Variants in PCBP3 observed in about 807,000 individuals in gnomAD.
The protein encoded by PCBP3 is poly(rC) binding protein 3.
A neutral mutation model predicts 52.7 loss-of-function variants in PCBP3; 25 were observed. The ratio of observed to expected loss-of-function variants is 0.47; its 90% CI spans 0.35 to 0.66. The LOEUF (loss-of-function observed/expected upper bound fraction) is 0.66, where lower values mean the gene tolerates loss of function less well. PCBP3 is among the 30% of genes least tolerant of loss of function. The pLI, the probability that PCBP3 is intolerant of heterozygous loss-of-function variation, is 0.01. For synonymous variants in PCBP3, 162 were observed against 183.0 expected, an observed-to-expected ratio of 0.89 and a Z score of 0.93; for missense variants, 391 against 490.3, an observed-to-expected ratio of 0.80 and a Z score of 1.91.
chr21:45,931,339 C>G (rs1049553709), intron 15 of PCBP3, among the ~76,000 whole-genome samples: 2 of 152,266 alleles, frequency 1.3e-5, no homozygotes, highest in African/African-American at 4.8e-5. Flanking sequence ...CACACACGCA[C>G]CACACCTTGT....
At chr21:45,900,068 G>C (rs2095986775) in intron 7 of PCBP3, among the ~76,000 whole-genome samples, 2 of 152,216 alleles carry the variant, frequency 1.3e-5, no homozygotes, top group African/African-American at 4.8e-5. Flanking sequence ...TGCTGCCCCG[G>C]GAGGCCGAGC....
chr21:45,904,976 G>T lies in PCBP3; in HGVS notation c.339+3863G>T, dbSNP rs139944352. Among the ~76,000 whole-genome samples, 202 of 152,330 alleles carry T rather than the reference G, an allele frequency of 1.3e-3. 1 individual carries two copies. The highest frequency in any genetic ancestry group is 4.4e-3 in the African/African-American group (184 of 41,582). ...TTCATCAATTTGTCTACAGCATGATGAGTAGTTTCATGGATTGACTTAGCG... is the reference window on the plus strand; with the variant it reads ...TTCATCAATTTGTCTACAGCATGATTAGTAGTTTCATGGATTGACTTAGCG... On this transcript the variant is annotated intron_variant, in intron 9 of 17. Coordinates refer to ENST00000681687, the MANE Select transcript of PCBP3 (RefSeq NM_001384156.1). This position sits in a 1 kb window ranked among gnomAD's most constrained non-coding sequence, Gnocchi z 4.8.
At chr21:45,873,990 T>C (rs185720960) in intron 5 of PCBP3, among the ~76,000 whole-genome samples, 2 of 152,220 alleles carry the variant, frequency 1.3e-5, no homozygotes, top group East Asian at 3.9e-4. Context: ...GCTCAAGTGA[T>C]CCACCCGCCT....
chr21:45,710,411 T>A (rs2083753035), intron 2 of PCBP3, among the ~76,000 whole-genome samples: 1 of 152,108 alleles, frequency 6.6e-6, no homozygotes, highest in South Asian at 2.1e-4. Context: ...CGGTGTTTGG[T>A]TTTTTGTCCT....
At position 45,925,103 on chromosome 21, in the gene PCBP3, C is replaced by T. The variant is rs374948026; in HGVS notation, c.718-4814C>T. On this transcript the variant is annotated intron_variant, in intron 13 of 17. Coordinates refer to ENST00000681687, the MANE Select transcript of PCBP3 (RefSeq NM_001384156.1). ...GAGATGCGAACACCGGGAACAGTCGCGTGGGTAGAAACAGCACACGTAAGA... is the reference window on the plus strand; with the variant it reads ...GAGATGCGAACACCGGGAACAGTCGTGTGGGTAGAAACAGCACACGTAAGA... Among the ~76,000 whole-genome samples, 139 of 17,156 alleles carry T rather than the reference C, an allele frequency of 8.1e-3. 2 individuals carry two copies. The highest frequency in any genetic ancestry group is 9.6e-3 in the Non-Finnish European group (76 of 7,878). 11.3% of individuals were successfully genotyped at this position (17,156 alleles called of 152,430 possible). A position where few individuals can be genotyped will look rare whatever the true frequency, so the allele number is the denominator to read the frequency against.
In PCBP3 at chr21:45,646,105, C is replaced by CTGTGTGTGTG. The variant is rs1342511407; in HGVS notation, c.-279+2238_-279+2239insGTGTGTGTGT. Among the ~76,000 whole-genome samples, 912 of 92,828 alleles carry CTGTGTGTGTG rather than the reference C, an allele frequency of 9.8e-3. 6 individuals are homozygous for CTGTGTGTGTG. The highest frequency in any genetic ancestry group is 0.014 in the African/African-American group (328 of 23,292). 60.9% of individuals were successfully genotyped at this position (92,828 alleles called of 152,430 possible). Reference sequence around the variant, plus strand: ...TCTTTCTCTCTCTCTCTCTCTCTCTCTCTGTGTGTGTGTGTGTGTGTGTGT... The same window carrying CTGTGTGTGTG: ...TCTTTCTCTCTCTCTCTCTCTCTCTCTGTGTGTGTGTCTGTGTGTGTGTGTGTGTGTGTGT... On this transcript the variant is annotated intron_variant, in intron 1 of 17. Transcript: ENST00000681687.
At chr21:45,869,509 T>C (rs1390420509) in intron 5 of PCBP3, among the ~76,000 whole-genome samples, 3 of 152,182 alleles carry the variant, frequency 2.0e-5, no homozygotes, top group Non-Finnish European at 4.4e-5. Context: ...TCCCTGGGAC[T>C]CGACTGTGCA....
chr21:45,840,448 C>T (rs2093677106), intron 4 of PCBP3, among the ~76,000 whole-genome samples: 1 of 132,388 alleles, frequency 7.6e-6, no homozygotes, highest in African/African-American at 2.9e-5. Flanking sequence ...CAGAGCGGGA[C>T]CCTGTCTCAA....
At chr21:45,930,058 C>A in intron 14 of PCBP3, 63 bp downstream of exon 14, 1 of 1,241,102 alleles carries the variant, frequency 8.1e-7, no homozygotes, top group Non-Finnish European at 1.2e-6. Context: ...TCTTTCTGAG[C>A]TGTGTTATTC....
intron 4 of PCBP3, among the ~76,000 whole-genome samples, chr21:45,841,057 G>T (rs979477350): frequency 5.9e-5 from 9 of 152,182 alleles, no homozygotes; most frequent in Non-Finnish European, 1.3e-4. Context: ...TGTAGCCTAG[G>T]AGCAATAGGC....
intron 13 of PCBP3, among the ~76,000 whole-genome samples, chr21:45,919,841 G>A (rs1389185331): frequency 4.4e-5 from 2 of 45,216 alleles, no homozygotes; most frequent in African/African-American, 1.8e-4. Context: ...GTGTGTGCGC[G>A]CGCGCGTGCG....
intron 2 of PCBP3, among the ~76,000 whole-genome samples, chr21:45,715,086 T>C (rs1464677577): frequency 6.6e-6 from 1 of 152,222 alleles, no homozygotes; most frequent in Non-Finnish European, 1.5e-5. Flanking sequence ...AGTAACAGTG[T>C]TAACAAAGCA....
At chr21:45,900,335 A>C (rs2095998413) in intron 7 of PCBP3, among the ~76,000 whole-genome samples, 1 of 152,084 alleles carries the variant, frequency 6.6e-6, no homozygotes, top group South Asian at 2.1e-4. Flanking sequence ...GACCTGCGCC[A>C]CCCTTGCCAG....
intron 13 of PCBP3, among the ~76,000 whole-genome samples, chr21:45,923,023 GC>G (rs1210521383): frequency 6.6e-6 from 1 of 152,278 alleles, no homozygotes; most frequent in Non-Finnish European, 1.5e-5. Flanking sequence ...CAGATCCTGT[GC>G]TGGATGCGGC....
chr21:45,792,667 AAG>A, intron 4 of PCBP3, among the ~76,000 whole-genome samples: 1 of 152,334 alleles, frequency 6.6e-6, no homozygotes, highest in Non-Finnish European at 1.5e-5. Flanking sequence ...ATTGATTATT[AAG>A]AGAGAGAAAC....
intron 1 of PCBP3, among the ~76,000 whole-genome samples, chr21:45,652,761 T>G (rs2079774688): frequency 6.6e-6 from 1 of 152,128 alleles, no homozygotes; most frequent in Non-Finnish European, 1.5e-5. Context: ...AATATTTTGT[T>G]TGGAGTTTTT....
intron 4 of PCBP3, among the ~76,000 whole-genome samples, chr21:45,845,321 C>T (rs1202649693): frequency 6.6e-6 from 1 of 152,274 alleles, no homozygotes; most frequent in Non-Finnish European, 1.5e-5. Flanking sequence ...TCTGGTGAAG[C>T]TGAAACCATT....
Position 45,704,835 on chromosome 21 carries a change from A to G in PCBP3, c.-199-30557A>G, listed in dbSNP as rs1171851564. On this transcript the variant is annotated intron_variant, in intron 2 of 17. Transcript: ENST00000681687. This position sits in a 1 kb window ranked among gnomAD's most constrained non-coding sequence, Gnocchi z 4.1. ...CAAATGACCTAGAGAGTGATGTGAT[A>G]CAGTGCAGGTAGACGACACAGGGCG... Among the ~76,000 whole-genome samples the G allele has an allele frequency of 2.0e-5, 3 of 152,200 alleles. No individual in the cohort carries two copies. The East Asian group carries it at 5.8e-4, about 29-fold the overall frequency.
Position 45,792,946 on chromosome 21 carries a change from C to T in PCBP3, c.-126+37494C>T, listed in dbSNP as rs575052206. ...ACTTCCAGGAGATGAAACATTGTCA[C>T]ATGCAGTCCAAAGACACCCCTCCTT... On this transcript the variant is annotated intron_variant, in intron 4 of 17. Coordinates refer to ENST00000681687, the MANE Select transcript of PCBP3 (RefSeq NM_001384156.1). Among the ~76,000 whole-genome samples the T allele has an allele frequency of 8.5e-5, 13 of 152,318 alleles. No homozygotes were observed. The South Asian group carries it at 2.7e-3, about 32-fold the overall frequency.
Sources: allele counts gnomAD v4.1 joint callset (sites outside exome capture counted in the v4.1 genomes callset), GRCh38; gene constraint gnomAD v4.1.1; non-coding constraint Gnocchi (gnomAD v3.1); transcripts MANE v1.5; gene names NCBI Gene and HGNC (gene_info 2026-07-23, HGNC 2026-07-21).